Variants in MAP4K4 observed in about 807,000 individuals in gnomAD.
MAP4K4 encodes HPK/GCK-like kinase HGK.
A neutral mutation model predicts 189.6 loss-of-function variants in MAP4K4; 38 were observed. The observed-to-expected ratio is 0.20, with a 90% CI of 0.15 to 0.26. The LOEUF (loss-of-function observed/expected upper bound fraction) is 0.26, where lower values mean the gene tolerates loss of function less well. Among genes scored for constraint, MAP4K4 ranks in the 10% least tolerant of loss-of-function variants. MAP4K4 has a pLI of 1.00. For missense variants in MAP4K4, 1,054 were observed against 1,726.9 expected (o/e 0.61, Z 6.91); for synonymous variants, 610 against 624.3 (o/e 0.98, Z 0.34).
exon 1 of MAP4K4, chr2:101,698,074 A>G: frequency 7.6e-7 from 1 of 1,323,024 alleles, no homozygotes; most frequent in East Asian, 5.4e-5. Flanking sequence ...GGTGGCAAAA[A>G]GGGAAAATGG....
At chr2:101,785,861 G>T in intron 2 of MAP4K4, among the ~76,000 whole-genome samples, 1 of 150,856 alleles carries the variant, frequency 6.6e-6, no homozygotes, top group Admixed American at 6.6e-5. Context: ...GTCTTGCTCT[G>T]TCGCCCAGGC....
At chr2:101,881,567 A>G (rs2098391324) in intron 27 of MAP4K4, among the ~76,000 whole-genome samples, 1 of 152,178 alleles carries the variant, frequency 6.6e-6, no homozygotes, top group Admixed American at 6.5e-5. Context: ...AACATTTACT[A>G]GGAGTTATGA....
chr2:101,867,368 A>G, intron 20 of MAP4K4, 59 bp downstream of exon 20: 1 of 1,330,752 alleles, frequency 7.5e-7, no homozygotes, highest in Non-Finnish European at 1.1e-6. Flanking sequence ...TCTTTCTATT[A>G]AAAATATGTG....
chr2:101,862,536 C>A (rs191182390), intron 16 of MAP4K4, among the ~76,000 whole-genome samples: 1 of 152,268 alleles, frequency 6.6e-6, no homozygotes, highest in East Asian at 1.9e-4. Context: ...AGTTAAACTT[C>A]GCATAAATGG....
At chr2:101,809,457 T>C (rs2095272732) in intron 3 of MAP4K4, among the ~76,000 whole-genome samples, 1 of 152,234 alleles carries the variant, frequency 6.6e-6, no homozygotes, top group Admixed American at 6.5e-5. Context: ...TAGATGCTTC[T>C]TAACTGATAA....
intron 2 of MAP4K4, among the ~76,000 whole-genome samples, chr2:101,787,498 C>CTT (rs2091731575): frequency 6.6e-6 from 1 of 152,142 alleles, no homozygotes; most frequent in African/African-American, 2.4e-5. Flanking sequence ...AAGGGTCTCC[C>CTT]TTGTGAGTTG....
chr2:101,766,449 C>T (rs1363501735), intron 2 of MAP4K4, among the ~76,000 whole-genome samples: 1 of 152,040 alleles, frequency 6.6e-6, no homozygotes, highest in Non-Finnish European at 1.5e-5. Flanking sequence ...TGGAGCAGTC[C>T]CTGGCTCCCA....
In MAP4K4 at chr2:101,833,392, G is replaced by A. The variant is rs530755711; in HGVS notation, c.640-1017G>A. 4.6e-5 allele frequency among the ~76,000 whole-genome samples: 7 copies of A among 151,794 alleles called. No homozygotes were observed. In the East Asian group the frequency reaches 5.8e-4, roughly 13 times the overall value. Reference sequence around the variant, plus strand: ...TCCCAGCACTTTGGGAGGCCGAGGCGGGTGGATCACGAGGTCAAGAGATCG... The same window carrying A: ...TCCCAGCACTTTGGGAGGCCGAGGCAGGTGGATCACGAGGTCAAGAGATCG... On this transcript the variant is annotated intron_variant, in intron 7 of 32. Transcript: ENST00000324219.
At chr2:101,870,243 C>A in intron 22 of MAP4K4, 52 bp from the exon 23 acceptor site, 1 of 1,589,612 alleles carries the variant, frequency 6.3e-7, no homozygotes, top group Non-Finnish European at 8.6e-7. Context: ...TAAACAGGAT[C>A]TCCTTGACTC....
chr2:101,849,948 T>A (rs1320803869), intron 12 of MAP4K4, among the ~76,000 whole-genome samples: 1 of 152,184 alleles, frequency 6.6e-6, no homozygotes, highest in Non-Finnish European at 1.5e-5. Flanking sequence ...AGTTTTCTGC[T>A]ACTTGTAATT....
chr2:101,817,749 T>C (rs774032230), intron 3 of MAP4K4, among the ~76,000 whole-genome samples: 1 of 152,214 alleles, frequency 6.6e-6, no homozygotes, highest in Non-Finnish European at 1.5e-5. Context: ...CAGAACTAGC[T>C]CATTGGTTCA....
intron 3 of MAP4K4, among the ~76,000 whole-genome samples, chr2:101,793,398 G>C (rs912049314): frequency 6.6e-6 from 1 of 152,126 alleles, no homozygotes. Context: ...GCATGTCAAA[G>C]CTCCTCTTAG....
rs760324090 is a variant in MAP4K4 at position 101,698,174 on chromosome 2, C to T, written c.57+37C>T. 2.3e-5 allele frequency: 21 copies of T among 920,580 alleles called. 1 individual carries two copies. In the South Asian group the frequency reaches 6.7e-4, roughly 29 times the overall value. 57.0% of individuals were successfully genotyped at this position (920,580 alleles called of 1,614,324 possible). A position where few individuals can be genotyped will look rare whatever the true frequency, so the allele number is the denominator to read the frequency against. On this transcript the variant is annotated intron_variant, in intron 1 of 32. Coordinates refer to ENST00000324219, the Ensembl canonical transcript of MAP4K4. Reference sequence around the variant, plus strand: ...CGCGAGCGGGCGCGCGGGGAGCGGGCAGCCGGCAGCCGGCAGCCGGGGCCG... The same window carrying T: ...CGCGAGCGGGCGCGCGGGGAGCGGGTAGCCGGCAGCCGGCAGCCGGGGCCG...
chr2:101,747,695 C>T (rs929879458), intron 2 of MAP4K4, among the ~76,000 whole-genome samples: 2 of 152,124 alleles, frequency 1.3e-5, no homozygotes, highest in African/African-American at 4.8e-5. Context: ...TTCCCTGCCC[C>T]CCCTTCTTAG....
intron 3 of MAP4K4, among the ~76,000 whole-genome samples, chr2:101,803,292 T>C (rs948567365): frequency 1.4e-5 from 2 of 142,526 alleles, no homozygotes; most frequent in African/African-American, 6.2e-5. Context: ...TTTGTGTGTG[T>C]GTCTGTCTGT....
chr2:101,729,525 G>C (rs917823676), intron 2 of MAP4K4, among the ~76,000 whole-genome samples: 1 of 152,200 alleles, frequency 6.6e-6, no homozygotes, highest in East Asian at 1.9e-4. Flanking sequence ...TGTACTGGGA[G>C]ATGCTAGGTT....
chr2:101,777,541 T>C (rs1356454699), intron 2 of MAP4K4, among the ~76,000 whole-genome samples: 1 of 152,164 alleles, frequency 6.6e-6, no homozygotes, highest in Admixed American at 6.5e-5. Context: ...CTCCATCTGC[T>C]CTCTACCCAA....
At chr2:101,862,411 G>C (rs182450428) in intron 16 of MAP4K4, among the ~76,000 whole-genome samples, 150 of 152,054 alleles carry the variant, frequency 9.9e-4, no homozygotes, top group Middle Eastern at 3.4e-3. Flanking sequence ...AAGCAGGAGA[G>C]GGTAACTGGA....
intron 2 of MAP4K4, among the ~76,000 whole-genome samples, chr2:101,772,242 G>C (rs1278918504): frequency 6.6e-6 from 1 of 152,142 alleles, no homozygotes; most frequent in African/African-American, 2.4e-5. Flanking sequence ...TAAATTCCTT[G>C]GTTCTTATTT....
Sources: allele counts gnomAD v4.1 joint callset (sites outside exome capture counted in the v4.1 genomes callset), GRCh38; gene constraint gnomAD v4.1.1; transcripts MANE v1.5; gene names NCBI Gene and HGNC (gene_info 2026-07-23, HGNC 2026-07-21).